The following USPL1 variants were observed in gnomAD, a reference collection of about 807,000 sequenced individuals.
USPL1 encodes ubiquitin specific peptidase like 1.
Under a neutral mutation model 51.5 loss-of-function variants are expected in USPL1, and 27 were observed. The ratio of observed to expected loss-of-function variants is 0.52; its 90% CI spans 0.39 to 0.72. USPL1 has a LOEUF of 0.72. Among genes scored for constraint, USPL1 ranks in the 30% least tolerant of loss-of-function variants. The pLI is 0.00. For synonymous variants in USPL1, 451 were observed against 459.6 expected, an observed-to-expected ratio of 0.98 and a Z score of 0.24; for missense variants, 1,226 against 1,268.0, an observed-to-expected ratio of 0.97 and a Z score of 0.50.
intron 5 of USPL1, among the ~76,000 whole-genome samples, chr13:30,639,458 C>T (rs1233036294): frequency 6.6e-6 from 1 of 151,792 alleles, no homozygotes; most frequent in East Asian, 1.9e-4. Flanking sequence ...TTATTCTGTT[C>T]TTATAAAAGT....
intron 6 of USPL1, among the ~76,000 whole-genome samples, chr13:30,645,226 G>A (rs932828698): frequency 2.0e-5 from 3 of 152,144 alleles, no homozygotes; most frequent in Non-Finnish European, 1.5e-5. Flanking sequence ...AGCTTCTCTG[G>A]AATCCATATC....
chr13:30,634,961 A>G (rs1169609279), intron 4 of USPL1, among the ~76,000 whole-genome samples: 1 of 152,048 alleles, frequency 6.6e-6, no homozygotes, highest in Non-Finnish European at 1.5e-5. Context: ...ATGTGTATAT[A>G]TTGCTCATAT....
chr13:30,630,677 G>T (rs1390049928), intron 3 of USPL1, among the ~76,000 whole-genome samples, 158 bp from the exon 4 acceptor site: 1 of 152,106 alleles, frequency 6.6e-6, no homozygotes, highest in Non-Finnish European at 1.5e-5. Flanking sequence ...TGATTAAGTA[G>T]TTGTTTGTCT....
Position 30,658,396 on chromosome 13 carries a change from C to T in USPL1, c.2319C>T (p.Leu773=), listed in dbSNP as rs752845439. The T allele has an allele frequency of 1.9e-6, 3 of 1,613,540 alleles. No individual in the cohort carries two copies. Among genetic ancestry groups the T allele is most frequent in the Non-Finnish European group, 2.5e-6 (3 of 1,180,014 alleles). Residue 773 remains leucine (L), a synonymous_variant, in exon 9 of 9, where the codon CTC becomes CTT. Transcript: ENST00000255304. ...GCAGGGGTGCTTCTTTTATGCCACT[C>T]TGTGTTTCAGCTCATAATAGAAACA... ...LISRGASFMP[L]CVSAHNRNTI... is the part of the protein sequence containing the mutation.
chr13:30,622,767 A>T (rs1035726096), intron 3 of USPL1, among the ~76,000 whole-genome samples: 1 of 152,228 alleles, frequency 6.6e-6, no homozygotes, highest in Non-Finnish European at 1.5e-5. Flanking sequence ...GAGTCTGATC[A>T]TCATCAGCCA....
chr13:30,648,363 C>T (rs1951044914), intron 7 of USPL1, among the ~76,000 whole-genome samples: 1 of 152,110 alleles, frequency 6.6e-6, no homozygotes, highest in African/African-American at 2.4e-5. Context: ...GGAACTCTTT[C>T]CTGCCACCTT....
chr13:30,643,565 G>C (rs1024602847), intron 6 of USPL1, among the ~76,000 whole-genome samples: 1 of 146,722 alleles, frequency 6.8e-6, no homozygotes, highest in Non-Finnish European at 1.5e-5. Context: ...AATTGTTCGT[G>C]TATTCAAATT....
At chr13:30,656,889 A>AGG (rs549109617) in intron 8 of USPL1, among the ~76,000 whole-genome samples, 175 of 150,780 alleles carry the variant, frequency 1.2e-3, no homozygotes, top group African/African-American at 3.1e-3. Context: ...TTTTTTTTAA[A>AGG]GGAATGGTTT....
chr13:30,633,674 G>A (rs1261226529), intron 4 of USPL1, among the ~76,000 whole-genome samples: 1 of 151,134 alleles, frequency 6.6e-6, no homozygotes, highest in Admixed American at 6.6e-5. Context: ...CTGGGAGGTT[G>A]AGGCAGGAGA....
chr13:30,631,215 T>C lies in USPL1; in HGVS notation c.609T>C (p.Asn203=). 1 of 1,614,138 alleles carries C rather than the reference T, an allele frequency of 6.2e-7. No homozygotes were observed. Among genetic ancestry groups the C allele is most frequent in the Non-Finnish European group, 8.5e-7 (1 of 1,180,020 alleles). The change falls in exon 4 of 9, where the codon AAT becomes AAC. Residue 203 remains asparagine (N), a synonymous_variant. Transcript: ENST00000255304. ...VSGTGRPSPQ[N]EGCTSKLEMP... ...GAACTGGCAGACCTTCCCCTCAAAA[T>C]GAAGGATGTACATCTAAACTGGAAA...
intron 6 of USPL1, among the ~76,000 whole-genome samples, chr13:30,643,797 A>G (rs1032590185): frequency 6.7e-6 from 1 of 150,154 alleles, no homozygotes; most frequent in Non-Finnish European, 1.5e-5. Context: ...TTTAGTAGAG[A>G]CAGGGTTTTG....
intron 4 of USPL1, among the ~76,000 whole-genome samples, chr13:30,633,897 A>G (rs1950840968): frequency 1.3e-5 from 2 of 151,108 alleles, no homozygotes; most frequent in Admixed American, 6.6e-5. Context: ...TGCTTTTTCC[A>G]TCTTAACACT....
At chr13:30,642,074 T>C (rs1255406436) in intron 5 of USPL1, among the ~76,000 whole-genome samples, 3 of 152,106 alleles carry the variant, frequency 2.0e-5, no homozygotes, top group Non-Finnish European at 4.4e-5. Flanking sequence ...TCTCAGCTAA[T>C]TTATTTCATT....
At position 30,653,319 on chromosome 13, in the gene USPL1, G is replaced by T; in HGVS notation, c.1396+14G>T. 6.5e-7 allele frequency: 1 copy of T among 1,550,264 alleles called. No individual in the cohort carries two copies. Among genetic ancestry groups the T allele is most frequent in the Non-Finnish European group, 8.8e-7 (1 of 1,142,114 alleles). Reference sequence around the variant, plus strand: ...TAGATGCTGATGGTAAGTGTTTAGAGGTTTTCTTTTAAGATAATTGGCATA... The same window carrying T: ...TAGATGCTGATGGTAAGTGTTTAGATGTTTTCTTTTAAGATAATTGGCATA... On this transcript the variant is annotated intron_variant, in intron 8 of 8. Coordinates refer to ENST00000255304, the MANE Select transcript of USPL1 (RefSeq NM_005800.5).
At chr13:30,642,512 T>C (rs1413460403) in intron 5 of USPL1, 116 bp from the exon 6 acceptor site, 5 of 1,226,242 alleles carry the variant, frequency 4.1e-6, no homozygotes, top group Non-Finnish European at 4.4e-6. Context: ...TGTGTCATAC[T>C]GTATTAACAC....
In USPL1 at chr13:30,659,015, C is replaced by T. The variant is rs1477027134; in HGVS notation, c.2938C>T (p.Pro980Ser). 2 of 1,614,170 alleles carry T rather than the reference C, an allele frequency of 1.2e-6. No homozygotes were observed. Among genetic ancestry groups the T allele is most frequent in the South Asian group, 1.1e-5 (1 of 91,078 alleles). ...EILAELLSPTPVSTELSENGE... is the reference protein window; with the variant it reads ...EILAELLSPTSVSTELSENGE... Reference sequence around the variant, plus strand: ...TTTAGCGGAATTATTGTCTCCTACACCTGTTTCAACAGAGCTGTCAGAAAA... The same window carrying T: ...TTTAGCGGAATTATTGTCTCCTACATCTGTTTCAACAGAGCTGTCAGAAAA... Residue 980 changes from proline to serine, a missense_variant, in exon 9 of 9, where the codon CCT (proline) becomes TCT (serine). Pro to Ser is a moderately conservative substitution (Grantham distance 74). Coordinates refer to ENST00000255304, the MANE Select transcript of USPL1 (RefSeq NM_005800.5).
chr13:30,631,170 TG>T lies in USPL1; in HGVS notation c.565del (p.Ala189LeufsTer50), dbSNP rs748937322. The T allele has an allele frequency of 6.2e-7, 1 of 1,614,200 alleles. No individual in the cohort carries two copies. Among genetic ancestry groups the T allele is most frequent in the Admixed American group, 1.7e-5 (1 of 60,016 alleles). On this transcript the variant is annotated frameshift_variant, in exon 4 of 9. Coordinates refer to ENST00000255304, the MANE Select transcript of USPL1 (RefSeq NM_005800.5). LOFTEE classifies it high-confidence loss of function. ...TVDMATTKDP[A>X]TVDVSGTGRP... ...TTGACATGGCTACTACAAAAGATCC[TG>T]CTACAGTTGATGTCTCTGGAACTGG...
intron 2 of USPL1, 114 bp downstream of exon 2, chr13:30,621,353 G>A (rs929847092): frequency 5.4e-6 from 4 of 740,714 alleles, no homozygotes; most frequent in South Asian, 1.9e-5. Context: ...TGTCTTCCAC[G>A]GAAATCTTAC....
rs563099048 is a variant in USPL1 at position 30,646,811 on chromosome 13, A to T, written c.1113-121A>T. 3.6e-6 allele frequency: 4 copies of T among 1,102,538 alleles called. No homozygotes were observed. In the East Asian group the frequency reaches 7.9e-5, roughly 22 times the overall value. The allele number at this position is 1,102,538 out of a possible 1,614,324, so 68.3% of individuals were successfully genotyped here. Reference sequence around the variant, plus strand: ...TAGGGAGGAACATTGCCATATTAACATGATTTGGGGAAATAAGAAAGTATG... The same window carrying T: ...TAGGGAGGAACATTGCCATATTAACTTGATTTGGGGAAATAAGAAAGTATG... On this transcript the variant is annotated intron_variant, in intron 6 of 8. Coordinates refer to ENST00000255304, the MANE Select transcript of USPL1 (RefSeq NM_005800.5).
Sources: allele counts gnomAD v4.1 joint callset (sites outside exome capture counted in the v4.1 genomes callset), GRCh38; gene constraint gnomAD v4.1.1; transcripts MANE v1.5; gene names NCBI Gene and HGNC (gene_info 2026-07-23, HGNC 2026-07-21).